KCND2: variants seen among roughly 807,000 people sequenced by gnomAD.
KCND2 encodes the protein potassium voltage-gated channel subfamily D member 2.
In KCND2, 16 loss-of-function variants were observed where a neutral mutation model predicts 54.4. The ratio of observed to expected loss-of-function variants is 0.29; its 90% CI spans 0.20 to 0.45. The LOEUF (loss-of-function observed/expected upper bound fraction) is 0.45, where lower values mean the gene tolerates loss of function less well. Among genes scored for constraint, KCND2 ranks in the 20% least tolerant of loss-of-function variants. The probability of loss-of-function intolerance (pLI) is 1.00; values close to 1 mark genes in which losing one functional copy is unlikely to be tolerated. For missense variants in KCND2, 486 were observed against 824.2 expected (o/e 0.59, Z 5.02); for synonymous variants, 317 against 310.7 (o/e 1.02, Z -0.21).
intron 1 of KCND2, among the ~76,000 whole-genome samples, chr7:120,362,516 A>G (rs192526079): frequency 3.9e-5 from 6 of 152,258 alleles, no homozygotes; most frequent in Admixed American, 3.9e-4. Context: ...AAGTAAAAAT[A>G]TGTAAATAGA....
intron 1 of KCND2, among the ~76,000 whole-genome samples, chr7:120,331,319 T>C (rs1236026843): frequency 1.3e-5 from 2 of 152,126 alleles, no homozygotes; most frequent in East Asian, 1.9e-4. Flanking sequence ...TTTTAATTTG[T>C]AACAGAAAAG....
In KCND2 at chr7:120,473,395, C is replaced by T. The variant is rs150907248; in HGVS notation, c.1115+197648C>T. On this transcript the variant is annotated intron_variant, in intron 1 of 5. Coordinates refer to ENST00000331113, the MANE Select transcript of KCND2 (RefSeq NM_012281.3). ...AGAGGATTTCGGTCCGGTTTTGTGT[C>T]TCAGACTCTACACTGTCTCTGACTG... Among the ~76,000 whole-genome samples, 244 of 152,248 alleles carry T rather than the reference C, an allele frequency of 1.6e-3. 1 individual carries two copies. Among genetic ancestry groups the T allele is most frequent in the Non-Finnish European group, 2.0e-3 (134 of 68,014 alleles).
chr7:120,444,381 A>G (rs967117296), intron 1 of KCND2, among the ~76,000 whole-genome samples: 4 of 152,120 alleles, frequency 2.6e-5, no homozygotes, highest in Non-Finnish European at 5.9e-5. Flanking sequence ...AGCACCCTTT[A>G]CTAATTTTCA....
At chr7:120,467,659 G>A (rs1802398969) in intron 1 of KCND2, among the ~76,000 whole-genome samples, 1 of 152,050 alleles carries the variant, frequency 6.6e-6, no homozygotes, top group Non-Finnish European at 1.5e-5. Context: ...ATTGGAGGTC[G>A]CTTTATTGCT....
chr7:120,486,160 G>A (rs1802690346), intron 1 of KCND2, among the ~76,000 whole-genome samples: 1 of 152,104 alleles, frequency 6.6e-6, no homozygotes, highest in African/African-American at 2.4e-5. Flanking sequence ...TATATGATTA[G>A]CTCTATTGTA....
chr7:120,446,084 G>T (rs1802014435), intron 1 of KCND2, among the ~76,000 whole-genome samples: 1 of 151,978 alleles, frequency 6.6e-6, no homozygotes, highest in African/African-American at 2.4e-5. Flanking sequence ...ACTCCATCTA[G>T]CCAGTGCACC....
At chr7:120,407,102 T>A (rs959276859) in intron 1 of KCND2, among the ~76,000 whole-genome samples, 1 of 151,906 alleles carries the variant, frequency 6.6e-6, no homozygotes, top group African/African-American at 2.4e-5. Context: ...GGCGCTATGG[T>A]TGTATTAATG....
intron 1 of KCND2, among the ~76,000 whole-genome samples, chr7:120,459,923 A>C (rs1475542403): frequency 6.6e-6 from 1 of 152,244 alleles, no homozygotes; most frequent in East Asian, 1.9e-4. Context: ...ATATCAGAGA[A>C]CATAGAAGAA....
chr7:120,565,020 A>G (rs1792280027), intron 1 of KCND2, among the ~76,000 whole-genome samples: 1 of 152,216 alleles, frequency 6.6e-6, no homozygotes, highest in Non-Finnish European at 1.5e-5. Flanking sequence ...CATTTTCCAT[A>G]TTCAATTTGA....
rs537340285 is a variant in KCND2, at chr7:120,748,386, A to C, written c.*528A>C. The C allele has an allele frequency of 6.5e-6, 1 of 154,044 alleles. No homozygotes were observed. The highest frequency in any genetic ancestry group is 2.0e-4 in the South Asian group (1 of 4,888). The allele number at this position is 154,044 out of a possible 1,614,324, so 9.5% of individuals were successfully genotyped here. On this transcript the variant is annotated 3_prime_UTR_variant, in exon 6 of 6. Transcript: ENST00000331113. The stretch of plus-strand genomic sequence containing the variant: ...ATCTCAGTTTCCTTATGTTGTCTTC[A>C]GAATAGGCATGATAAACTATAATTG...
chr7:120,677,516 AATATAT>A (rs528603766), intron 1 of KCND2, among the ~76,000 whole-genome samples: 12 of 129,634 alleles, frequency 9.3e-5, no homozygotes, highest in African/African-American at 3.0e-4. Flanking sequence ...TAAGAATTCA[AATATAT>A]ATATATAGAT....
intron 1 of KCND2, among the ~76,000 whole-genome samples, chr7:120,596,466 T>C (rs1273225333): frequency 6.6e-5 from 10 of 152,178 alleles, no homozygotes; most frequent in African/African-American, 2.4e-4. Context: ...AAAAATTGTG[T>C]GTGTTGTAGA....
chr7:120,729,325 A>T (rs1213229946), intron 1 of KCND2, among the ~76,000 whole-genome samples: 1 of 152,230 alleles, frequency 6.6e-6, no homozygotes, highest in Non-Finnish European at 1.5e-5. Context: ...ACATATTCGA[A>T]TAGTGAGATA....
At chr7:120,317,809 A>T (rs1359394470) in intron 1 of KCND2, among the ~76,000 whole-genome samples, 1 of 152,144 alleles carries the variant, frequency 6.6e-6, no homozygotes, top group Non-Finnish European at 1.5e-5. Flanking sequence ...GTAAAACCCC[A>T]CAGTTTTATG....
At chr7:120,582,037 C>T (rs1792522557) in intron 1 of KCND2, among the ~76,000 whole-genome samples, 1 of 151,994 alleles carries the variant, frequency 6.6e-6, no homozygotes, top group Non-Finnish European at 1.5e-5. Context: ...TAACAAGGTG[C>T]AAATGAAAAA....
At chr7:120,393,105 C>T (rs1416461677) in intron 1 of KCND2, among the ~76,000 whole-genome samples, 1 of 151,864 alleles carries the variant, frequency 6.6e-6, no homozygotes, top group Non-Finnish European at 1.5e-5. Context: ...CTAAACTGTC[C>T]AAAATATTTA....
At chr7:120,475,698 T>C (rs942171155) in intron 1 of KCND2, among the ~76,000 whole-genome samples, 20 of 152,212 alleles carry the variant, frequency 1.3e-4, no homozygotes, top group Admixed American at 7.2e-4. Context: ...CTGCCTCATG[T>C]TAACAATTAT....
chr7:120,469,656 T>G (rs1410818970), intron 1 of KCND2, among the ~76,000 whole-genome samples: 1 of 152,008 alleles, frequency 6.6e-6, no homozygotes, highest in Admixed American at 6.6e-5. Flanking sequence ...TATGACAGAG[T>G]CGAAAACCAA....
At chr7:120,416,682 C>A (rs1801529224) in intron 1 of KCND2, among the ~76,000 whole-genome samples, 2 of 150,316 alleles carry the variant, frequency 1.3e-5, no homozygotes, top group African/African-American at 4.9e-5. Flanking sequence ...AAGAAAAGTA[C>A]AACCCTCATT....
Sources: gnomAD v4.1 joint callset for allele counts (sites outside exome capture counted in the v4.1 genomes callset) on GRCh38, gnomAD v4.1.1 for gene constraint, MANE v1.5 for transcripts, NCBI Gene and HGNC (gene_info 2026-07-23, HGNC 2026-07-21) for gene names.